The following DENND3 variants were observed in gnomAD, a reference collection of about 807,000 sequenced individuals.
DENND3 encodes DENN domain-containing protein 3.
A neutral mutation model predicts 135.1 loss-of-function variants in DENND3; 88 were observed. The observed-to-expected ratio is 0.65, with a 90% CI of 0.55 to 0.78. The LOEUF is 0.78. Among genes scored for constraint, DENND3 ranks in the 30% least tolerant of loss-of-function variants. The pLI is 0.00. For synonymous variants in DENND3, 693 were observed against 712.3 expected (o/e 0.97, Z 0.43); for missense variants, 1,392 against 1,688.4 (o/e 0.82, Z 3.08).
intron 1 of DENND3, among the ~76,000 whole-genome samples, chr8:141,129,031 C>T (rs1029010401): frequency 6.6e-6 from 1 of 152,248 alleles, no homozygotes; most frequent in East Asian, 1.9e-4. Flanking sequence ...CTTCTCTCCT[C>T]TCCCCGCCCG....
chr8:141,160,852 A>T, intron 9 of DENND3, 65 bp downstream of exon 9: 2 of 1,549,440 alleles, frequency 1.3e-6, no homozygotes, highest in Admixed American at 3.5e-5. Context: ...TTCTATGGGG[A>T]TCGTGCACCC....
At position 141,160,542 on chromosome 8, in the gene DENND3, A is replaced by T. The variant is rs1225048303; in HGVS notation, c.1197-90A>T. 5.7e-6 allele frequency: 8 copies of T among 1,393,420 alleles called. No individual in the cohort carries two copies. In the East Asian group the frequency reaches 1.9e-4, roughly 34 times the overall value. 86.3% of individuals were successfully genotyped at this position (1,393,420 alleles called of 1,614,324 possible). A position where few individuals can be genotyped will look rare whatever the true frequency, so the allele number is the denominator to read the frequency against. On this transcript the variant is annotated intron_variant, in intron 8 of 22. Transcript: ENST00000519811. ...TATTGATCGGTATTTGTGTCTGTGA[A>T]GTGTTCATTTACCTGGTGGGCTGTG...
chr8:141,190,898 C>T (rs946946185), intron 20 of DENND3, among the ~76,000 whole-genome samples: 5 of 152,188 alleles, frequency 3.3e-5, no homozygotes, highest in African/African-American at 4.8e-5. Context: ...GCCAGGGGGG[C>T]GATGGGAGGA....
At position 141,182,321 on chromosome 8, in the gene DENND3, G is replaced by C; in HGVS notation, c.2944+1467G>C. ...GAGAGTTTTTCTCTCTTCATGGCAG[G>C]CCAAGAAACCCAGGAACGCGATAGA... On this transcript the variant is annotated intron_variant, in intron 17 of 22. Coordinates refer to ENST00000519811, the MANE Select transcript of DENND3 (RefSeq NM_001352890.3). The surrounding 1 kb of genome is among the most constrained non-coding windows in gnomAD (Gnocchi z 5.9). 1 of 985,364 alleles carries C rather than the reference G, an allele frequency of 1.0e-6. No individual in the cohort carries two copies. The highest frequency in any genetic ancestry group is 1.2e-6 in the Non-Finnish European group (1 of 829,916). 61.0% of individuals were successfully genotyped at this position (985,364 alleles called of 1,614,324 possible).
intron 20 of DENND3, chr8:141,190,678 G>A (rs1824603242): frequency 9.4e-6 from 4 of 426,444 alleles, no homozygotes; most frequent in Non-Finnish European, 1.6e-5. Flanking sequence ...CTGCTCTCCT[G>A]TCCCTCACCT....
Position 141,160,728 on chromosome 8 carries a change from G to C in DENND3, c.1293G>C (p.Gln431His). ...KEGRAHRRSW[Q>H]QKLNCQIQQT... ...GCCGAGCCCACCGGCGGTCCTGGCA[G>C]CAGAAACTCAACTGCCAGATACAGC... Residue 431 changes from glutamine to histidine, a missense_variant, in exon 9 of 23, where the codon CAG becomes CAC. By Grantham distance (24) the Gln-to-His change is conservative. Coordinates refer to ENST00000519811, the MANE Select transcript of DENND3 (RefSeq NM_001352890.3). The C allele has an allele frequency of 6.2e-7, 1 of 1,613,152 alleles. No homozygotes were observed. The highest frequency in any genetic ancestry group is 8.5e-7 in the Non-Finnish European group (1 of 1,179,834).
Position 141,141,398 on chromosome 8 carries a change from A to T in DENND3, c.623+74A>T. 53 of 790,560 alleles carry T rather than the reference A, an allele frequency of 6.7e-5. No homozygotes were observed. The highest frequency in any genetic ancestry group is 3.8e-4 in the East Asian group (5 of 13,324). The allele number at this position is 790,560 out of a possible 1,614,324, so 49.0% of individuals were successfully genotyped here. ...GCCTCTCCAGGTGAGCCAAGGGACC[A>T]GGGGGCTGGAGGTGGTGGGGGGGCA... On this transcript the variant is annotated intron_variant, in intron 4 of 22. Coordinates refer to ENST00000519811, the MANE Select transcript of DENND3 (RefSeq NM_001352890.3). This position sits in a 1 kb window ranked among gnomAD's most constrained non-coding sequence, Gnocchi z 5.3.
chr8:141,140,326 C>T (rs574709747), intron 3 of DENND3, among the ~76,000 whole-genome samples: 11 of 152,312 alleles, frequency 7.2e-5, no homozygotes, highest in East Asian at 5.8e-4. Flanking sequence ...CAGCTCCTCC[C>T]GGGCTACTGT....
In DENND3 at chr8:141,175,889, T is replaced by A; in HGVS notation, c.2535+430T>A. 4.5e-6 allele frequency: 1 copy of A among 220,014 alleles called. No homozygotes were observed. The allele number at this position is 220,014 out of a possible 1,614,324, so 13.6% of individuals were successfully genotyped here. ...AGTCGGACCTGGTTCATATAAAACATAACAAGCTTATTTTATAACAATTAA... is the reference window on the plus strand; with the variant it reads ...AGTCGGACCTGGTTCATATAAAACAAAACAAGCTTATTTTATAACAATTAA... On this transcript the variant is annotated intron_variant, in intron 14 of 22. Coordinates refer to ENST00000519811, the MANE Select transcript of DENND3 (RefSeq NM_001352890.3). The surrounding 1 kb of genome is among the most constrained non-coding windows in gnomAD (Gnocchi z 5.4).
chr8:141,164,144 C>T (rs1569556027), intron 10 of DENND3, among the ~76,000 whole-genome samples: 1 of 152,114 alleles, frequency 6.6e-6, no homozygotes, highest in African/African-American at 2.4e-5. Flanking sequence ...GTCCTGCGGT[C>T]TGCGCTCTGT....
intron 7 of DENND3, among the ~76,000 whole-genome samples, chr8:141,152,399 C>G (rs1470466741): frequency 6.6e-6 from 1 of 152,146 alleles, no homozygotes. Flanking sequence ...GCAGTCAGCC[C>G]CCAGGGCCTG....
chr8:141,142,328 C>T (rs1177535557), intron 4 of DENND3: 2 of 455,046 alleles, frequency 4.4e-6, no homozygotes, highest in South Asian at 3.1e-5. Context: ...AACAACAGTT[C>T]CCTTTTGTGT....
In DENND3 at chr8:141,128,741, C is replaced by G. The variant is rs1032245194; in HGVS notation, c.34C>G (p.Pro12Ala). 3.5e-5 allele frequency: 51 copies of G among 1,446,202 alleles called. 1 individual carries two copies. The Middle Eastern group carries it at 1.1e-3, about 31-fold the overall frequency. 89.6% of individuals were successfully genotyped at this position (1,446,202 alleles called of 1,614,324 possible). A position where few individuals can be genotyped will look rare whatever the true frequency, so the allele number is the denominator to read the frequency against. Reference sequence around the variant, plus strand: ...GGCCGCGTCGCCGCACTTGTCGCTGCCCTCGGGGCTGCTGGAGCTCTGCGC... The same window carrying G: ...GGCCGCGTCGCCGCACTTGTCGCTGGCCTCGGGGCTGCTGGAGCTCTGCGC... Reference protein sequence around the residue: ...AEAASPHLSLPSGLLELCALL... With the variant: ...AEAASPHLSLASGLLELCALL... The change falls in exon 1 of 23, where the codon CCC becomes GCC. Residue 12 changes from proline (P) to alanine (A), a missense_variant. By Grantham distance (27) the Pro-to-Ala change is conservative. Transcript: ENST00000519811. The surrounding 1 kb of genome is among the most constrained non-coding windows in gnomAD (Gnocchi z 4.5).
chr8:141,153,792 A>C lies in DENND3; in HGVS notation c.1074+1955A>C, dbSNP rs73362449. ...TGTTTCTTTTTTTAGTCATTAGGGGAACAAAATTGTGTTTCAGGCTCTTTT... is the reference window on the plus strand; with the variant it reads ...TGTTTCTTTTTTTAGTCATTAGGGGCACAAAATTGTGTTTCAGGCTCTTTT... On this transcript the variant is annotated intron_variant, in intron 7 of 22. Transcript: ENST00000519811. Among the ~76,000 whole-genome samples the C allele has an allele frequency of 4.9e-3, 743 of 152,280 alleles. 5 individuals carry two copies. Among genetic ancestry groups the C allele is most frequent in the African/African-American group, 0.017 (719 of 41,552 alleles).
Position 141,141,397 on chromosome 8 carries a change from C to G in DENND3, c.623+73C>G. On this transcript the variant is annotated intron_variant, in intron 4 of 22. Transcript: ENST00000519811. This position sits in a 1 kb window ranked among gnomAD's most constrained non-coding sequence, Gnocchi z 5.3. Reference sequence around the variant, plus strand: ...TGCCTCTCCAGGTGAGCCAAGGGACCAGGGGGCTGGAGGTGGTGGGGGGGC... The same window carrying G: ...TGCCTCTCCAGGTGAGCCAAGGGACGAGGGGGCTGGAGGTGGTGGGGGGGC... 1.4e-5 allele frequency: 20 copies of G among 1,408,092 alleles called. No homozygotes were observed. Among genetic ancestry groups the G allele is most frequent in the South Asian group, 9.5e-5 (6 of 63,018 alleles). 87.2% of individuals were successfully genotyped at this position (1,408,092 alleles called of 1,614,324 possible).
At chr8:141,186,188 G>C (rs1823869689) in intron 18 of DENND3, among the ~76,000 whole-genome samples, 1 of 152,098 alleles carries the variant, frequency 6.6e-6, no homozygotes, top group African/African-American at 2.4e-5. Context: ...GCAGCACTAA[G>C]GTTCCCAGGG....
Position 141,154,611 on chromosome 8 carries a change from G to A in DENND3, c.1075-1238G>A, listed in dbSNP as rs1819221092. 6.7e-6 allele frequency among the ~76,000 whole-genome samples: 1 copy of A among 150,364 alleles called. No homozygotes were observed. Reference sequence around the variant, plus strand: ...GAGTTTCGCTCTTGTTGCCCAGGCTGGAGTGCAATGGCACGATCTCAGCTC... The same window carrying A: ...GAGTTTCGCTCTTGTTGCCCAGGCTAGAGTGCAATGGCACGATCTCAGCTC... On this transcript the variant is annotated intron_variant, in intron 7 of 22. Coordinates refer to ENST00000519811, the MANE Select transcript of DENND3 (RefSeq NM_001352890.3). This position sits in a 1 kb window ranked among gnomAD's most constrained non-coding sequence, Gnocchi z 4.4.
Position 141,139,872 on chromosome 8 carries a change from C to T in DENND3, c.502-1331C>T, listed in dbSNP as rs1268098034. On this transcript the variant is annotated intron_variant, in intron 3 of 22. Coordinates refer to ENST00000519811, the MANE Select transcript of DENND3 (RefSeq NM_001352890.3). This position sits in a 1 kb window ranked among gnomAD's most constrained non-coding sequence, Gnocchi z 4.2. Reference sequence around the variant, plus strand: ...CCCACAGCACTCATCTCTCCTTCTTCACTATGTATCCGGATGACGCTATAT... The same window carrying T: ...CCCACAGCACTCATCTCTCCTTCTTTACTATGTATCCGGATGACGCTATAT... Among the ~76,000 whole-genome samples the T allele has an allele frequency of 6.6e-6, 1 of 152,052 alleles. No individual in the cohort carries two copies. The highest frequency in any genetic ancestry group is 1.5e-5 in the Non-Finnish European group (1 of 68,028).
intron 8 of DENND3, among the ~76,000 whole-genome samples, chr8:141,160,194 TTA>T (rs562437045): frequency 0.31 from 39,936 of 130,698 alleles, 5,939 homozygotes; most frequent in South Asian, 0.49. Context: ...TTTTTTTTTT[TTA>T]AGACAGAGTT....
Sources: allele counts gnomAD v4.1 joint callset (sites outside exome capture counted in the v4.1 genomes callset), GRCh38; gene constraint gnomAD v4.1.1; non-coding constraint Gnocchi (gnomAD v3.1); transcripts MANE v1.5; gene names NCBI Gene and HGNC (gene_info 2026-07-23, HGNC 2026-07-21).